ESR1: variants seen among roughly 807,000 people sequenced by gnomAD.
ESR1 encodes estrogen receptor 1.
In ESR1, 12 loss-of-function variants were observed where a neutral mutation model predicts 52.7. That is an observed-to-expected ratio of 0.23 (90% CI 0.15 to 0.37). The LOEUF (loss-of-function observed/expected upper bound fraction) is 0.37, where lower values mean the gene tolerates loss of function less well. ESR1 is among the 10% of genes least tolerant of loss of function. ESR1 has a pLI of 1.00. For synonymous variants in ESR1, 305 were observed against 316.8 expected (o/e 0.96, Z 0.39); for missense variants, 584 against 779.7 (o/e 0.75, Z 2.99).
chr6:152,103,980 CTT>C (rs369261779), downstream of ESR1, among the ~76,000 whole-genome samples: 144 of 93,858 alleles, frequency 1.5e-3, no homozygotes, highest in South Asian at 0.035. Context: ...TTCATTCTAC[CTT>C]TTTTTTTTTT....
intron 3 of ESR1, among the ~76,000 whole-genome samples, chr6:151,896,703 T>C (rs1227652500): frequency 6.6e-6 from 1 of 152,126 alleles, no homozygotes; most frequent in African/African-American, 2.4e-5. Flanking sequence ...CTGATCTTGG[T>C]ATTTTCTTTC....
chr6:151,944,857 A>T (rs541137103), intron 4 of ESR1, among the ~76,000 whole-genome samples: 1 of 152,326 alleles, frequency 6.6e-6, no homozygotes, highest in African/African-American at 2.4e-5. Flanking sequence ...GAACTACAAA[A>T]GTTTGTAATA....
chr6:152,003,076 A>G (rs1455811770), intron 4 of ESR1, among the ~76,000 whole-genome samples: 1 of 152,018 alleles, frequency 6.6e-6, no homozygotes, highest in East Asian at 1.9e-4. Context: ...TATTGTCATG[A>G]CAACCATCTC....
At chr6:151,826,528 G>C (rs910398346) in intron 1 of ESR1, among the ~76,000 whole-genome samples, 11 of 152,318 alleles carry the variant, frequency 7.2e-5, no homozygotes, top group African/African-American at 2.6e-4. Context: ...TCAGGCTCTA[G>C]AAAACTCTGC....
At chr6:151,845,205 A>G (rs1784912426) in intron 2 of ESR1, among the ~76,000 whole-genome samples, 1 of 152,344 alleles carries the variant, frequency 6.6e-6, no homozygotes. Flanking sequence ...ACAGTGTGAG[A>G]TGTTTCATTG....
At chr6:152,034,446 C>G (rs888522514) in intron 5 of ESR1, among the ~76,000 whole-genome samples, 12 of 152,086 alleles carry the variant, frequency 7.9e-5, no homozygotes, top group South Asian at 2.1e-4. Context: ...TAATTTTTAT[C>G]TTCACATCCT....
intron 4 of ESR1, among the ~76,000 whole-genome samples, chr6:151,997,433 A>G (rs1562648731): frequency 6.6e-6 from 1 of 152,114 alleles, no homozygotes; most frequent in East Asian, 1.9e-4. Flanking sequence ...ACACTCTGAT[A>G]AAGGTTTAAT....
At chr6:152,049,291 TAAGAA>T (rs1165118612) in intron 5 of ESR1, among the ~76,000 whole-genome samples, 3 of 152,238 alleles carry the variant, frequency 2.0e-5, no homozygotes, top group Non-Finnish European at 4.4e-5. Flanking sequence ...CCCAAAAGTA[TAAGAA>T]AAGAGGACAT....
intron 2 of ESR1, among the ~76,000 whole-genome samples, chr6:151,863,685 A>G (rs573034006): frequency 9.2e-5 from 14 of 152,306 alleles, no homozygotes; most frequent in African/African-American, 3.4e-4. Flanking sequence ...ACTATGTTGA[A>G]TAGGATGGTA....
exon 7 of ESR1, chr6:152,125,376 T>A: frequency 6.5e-7 from 1 of 1,542,566 alleles, no homozygotes; most frequent in Non-Finnish European, 8.8e-7. Flanking sequence ...CCTCACAGTA[T>A]CCTGCAGATC....
chr6:151,856,590 C>T (rs1033254931), intron 2 of ESR1, among the ~76,000 whole-genome samples: 7 of 117,690 alleles, frequency 5.9e-5, no homozygotes, highest in African/African-American at 1.6e-4. Context: ...TTATATACAA[C>T]GTGTTTGGAA....
chr6:152,029,185 TG>T (rs2044442491), intron 5 of ESR1, among the ~76,000 whole-genome samples: 2 of 152,070 alleles, frequency 1.3e-5, no homozygotes, highest in South Asian at 2.1e-4. Context: ...TCCACAAAGA[TG>T]GGGAAAAAAC....
chr6:151,670,959 G>A (rs970774902), intron 1 of ESR1, among the ~76,000 whole-genome samples: 2 of 151,830 alleles, frequency 1.3e-5, no homozygotes, highest in African/African-American at 2.4e-5. Context: ...GTAGAGATGG[G>A]GTTTCACCGT....
intron 2 of ESR1, among the ~76,000 whole-genome samples, chr6:151,764,682 A>C (rs568052981): frequency 5.1e-4 from 77 of 152,330 alleles, no homozygotes; most frequent in African/African-American, 1.7e-3. Context: ...TCAAGATCCA[A>C]ATTTTCTACC....
intron 3 of ESR1, among the ~76,000 whole-genome samples, chr6:151,902,402 T>C (rs1203447572): frequency 1.3e-5 from 2 of 152,186 alleles, no homozygotes; most frequent in East Asian, 3.9e-4. Flanking sequence ...GATCTGTTTC[T>C]CTCTCTTTGT....
rs140665605 is a variant in ESR1 at position 151,741,806 on chromosome 6, T to C, written c.-71+39801T>C. On this transcript the variant is annotated intron_variant, in intron 2 of 2. Transcript: ENST00000404742. The stretch of plus-strand genomic sequence containing the variant: ...GTTATCCAACACTAAAATCTACGCA[T>C]GGAGCAAAAATGCGGAATACAGTAC... 3.9e-3 allele frequency among the ~76,000 whole-genome samples: 590 copies of C among 152,308 alleles called. 6 individuals are homozygous for C. The highest frequency in any genetic ancestry group is 0.014 in the African/African-American group (570 of 41,584).
intron 3 of ESR1, among the ~76,000 whole-genome samples, chr6:151,932,685 T>C (rs1374363141): frequency 1.3e-5 from 2 of 151,334 alleles, no homozygotes; most frequent in Non-Finnish European, 1.5e-5. Context: ...TAGCCAGTTT[T>C]CCCAGCACCA....
intron 1 of ESR1, among the ~76,000 whole-genome samples, chr6:151,681,454 C>T (rs1252690506): frequency 6.6e-6 from 1 of 151,214 alleles, no homozygotes; most frequent in Non-Finnish European, 1.5e-5. Context: ...TTGAGGGTCC[C>T]GTGCTCGTCA....
intron 2 of ESR1, among the ~76,000 whole-genome samples, chr6:151,739,570 A>G (rs1583077509): frequency 6.6e-6 from 1 of 152,250 alleles, no homozygotes; most frequent in Non-Finnish European, 1.5e-5. Flanking sequence ...TCCTGTGTGT[A>G]ACAAACCTCA....
Sources: gnomAD v4.1 joint callset for allele counts (sites outside exome capture counted in the v4.1 genomes callset) on GRCh38, gnomAD v4.1.1 for gene constraint, MANE v1.5 for transcripts, NCBI Gene and HGNC (gene_info 2026-07-23, HGNC 2026-07-21) for gene names.